PTCHD4: variants seen among roughly 807,000 people sequenced by gnomAD.
PTCHD4 encodes the protein patched domain-containing protein 4.
In PTCHD4, 33 loss-of-function variants were observed where a neutral mutation model predicts 58.1. That is an observed-to-expected ratio of 0.57 (90% CI 0.43 to 0.76). The LOEUF is 0.76. Among genes scored for constraint, PTCHD4 ranks in the 30% least tolerant of loss-of-function variants. The pLI is 0.00. For missense variants in PTCHD4, 1,058 were observed against 1,027.1 expected (o/e 1.03, Z -0.41); for synonymous variants, 478 against 409.6 (o/e 1.17, Z -2.02).
chr6:48,014,008 G>A (rs1317103664), intron 3 of PTCHD4, among the ~76,000 whole-genome samples: 1 of 151,942 alleles, frequency 6.6e-6, no homozygotes, highest in Non-Finnish European at 1.5e-5. Flanking sequence ...TAACTCCTCT[G>A]TTGAAGTTGT....
chr6:48,023,698 CA>C (rs1396060328), intron 3 of PTCHD4, among the ~76,000 whole-genome samples: 1 of 152,156 alleles, frequency 6.6e-6, no homozygotes, highest in Admixed American at 6.5e-5. Flanking sequence ...CTAGTCTCAG[CA>C]GCTCGGTTTC....
At chr6:47,965,785 G>T (rs917874772) in intron 4 of PTCHD4, among the ~76,000 whole-genome samples, 1 of 151,938 alleles carries the variant, frequency 6.6e-6, no homozygotes, top group African/African-American at 2.4e-5. Flanking sequence ...AAAATTGGTG[G>T]GCGCCAGTAG....
rs540394005 is a variant in PTCHD4 at position 47,878,458 on chromosome 6, G to T, written c.2377C>A (p.Leu793Ile). Residue 793 changes from leucine to isoleucine, a missense_variant, in exon 5 of 5, where the codon CTT becomes ATT. Leu to Ile is a conservative substitution (Grantham distance 5). Transcript: ENST00000339488. The part of the protein sequence containing the change: ...KCLLLTGGCT[L>I]LHCFVILPVF... ...GGTAAAATAACAAAACAGTGCAGAA[G>T]TGTGCAACCCCCAGTGAGCAGCAAG... The T allele has an allele frequency of 1.4e-5, 22 of 1,613,506 alleles. No homozygotes were observed. In the East Asian group the frequency reaches 3.6e-4, roughly 26 times the overall value.
At chr6:47,947,667 G>A (rs1157748701) in intron 4 of PTCHD4, among the ~76,000 whole-genome samples, 3 of 151,834 alleles carry the variant, frequency 2.0e-5, no homozygotes, top group Admixed American at 6.6e-5. Flanking sequence ...GTTCCATTGG[G>A]TGTTCTTTTC....
chr6:47,966,874 C>A (rs78324857), intron 4 of PTCHD4, among the ~76,000 whole-genome samples: 4,972 of 152,266 alleles, frequency 0.033, 125 homozygotes, highest in Non-Finnish European at 0.044. Context: ...AGAGTTATTT[C>A]CACCACATCT....
At position 47,868,081 on chromosome 6, in the gene PTCHD4, C is replaced by T. The variant is rs1397182135; in HGVS notation, c.*10222G>A. 6.6e-6 allele frequency among the ~76,000 whole-genome samples: 1 copy of T among 151,610 alleles called. No homozygotes were observed. The highest frequency in any genetic ancestry group is 1.5e-5 in the Non-Finnish European group (1 of 67,780). On this transcript the variant is annotated 3_prime_UTR_variant, in exon 5 of 5. Coordinates refer to ENST00000339488, the MANE Select transcript of PTCHD4 (RefSeq NM_001384253.1). ...CCAATGTGTTCCTTTGTTTTTAAAG[C>T]CTAACTAAGCTAATGAACAGAAACT...
intron 4 of PTCHD4, among the ~76,000 whole-genome samples, chr6:47,936,670 A>T (rs1446879377): frequency 1.3e-5 from 2 of 152,224 alleles, no homozygotes; most frequent in Admixed American, 1.3e-4. Flanking sequence ...TCATTTTTTA[A>T]ACATCTATTG....
chr6:47,894,567 C>A (rs1359110599), intron 4 of PTCHD4, among the ~76,000 whole-genome samples: 1 of 152,186 alleles, frequency 6.6e-6, no homozygotes, highest in Non-Finnish European at 1.5e-5. Context: ...GTATAATGTG[C>A]CCTTGGCACT....
intron 4 of PTCHD4, among the ~76,000 whole-genome samples, chr6:47,905,877 C>T (rs1764865795): frequency 6.6e-6 from 1 of 152,198 alleles, no homozygotes; most frequent in Non-Finnish European, 1.5e-5. Flanking sequence ...CCATCAGCAC[C>T]TCCTGAGGCC....
Position 47,862,740 on chromosome 6 carries a change from A to C in PTCHD4, c.*15563T>G, listed in dbSNP as rs747172402. 6.6e-6 allele frequency among the ~76,000 whole-genome samples: 1 copy of C among 151,864 alleles called. No homozygotes were observed. Among genetic ancestry groups the C allele is most frequent in the Non-Finnish European group, 1.5e-5 (1 of 67,830 alleles). On this transcript the variant is annotated 3_prime_UTR_variant, in exon 5 of 5. Transcript: ENST00000339488. The stretch of plus-strand genomic sequence containing the variant: ...CTAGAAATCAGCAATATTGTTTAGA[A>C]AATAAGAACTGATTTCCACACAGAC...
intron 4 of PTCHD4, among the ~76,000 whole-genome samples, chr6:47,921,717 A>G (rs1489809294): frequency 6.6e-6 from 1 of 152,168 alleles, no homozygotes; most frequent in Non-Finnish European, 1.5e-5. Flanking sequence ...GCTGGCTGCC[A>G]AGAATCACAA....
intron 4 of PTCHD4, among the ~76,000 whole-genome samples, chr6:47,889,385 A>G (rs1407854474): frequency 6.3e-5 from 9 of 143,744 alleles, no homozygotes; most frequent in Admixed American, 2.9e-4. Flanking sequence ...TTGTGGTTTT[A>G]ATTTGCATTT....
chr6:48,110,311 G>A (rs1765838838), intron 1 of PTCHD4, among the ~76,000 whole-genome samples: 1 of 152,116 alleles, frequency 6.6e-6, no homozygotes, highest in Non-Finnish European at 1.5e-5. Flanking sequence ...TCTGACATTT[G>A]TGACAACATA....
In PTCHD4 at chr6:47,860,412, A is replaced by T. The variant is rs529845955; in HGVS notation, c.*17891T>A. Among the ~76,000 whole-genome samples, 1 of 152,174 alleles carries T rather than the reference A, an allele frequency of 6.6e-6. No individual in the cohort carries two copies. Among genetic ancestry groups the T allele is most frequent in the Non-Finnish European group, 1.5e-5 (1 of 67,958 alleles). ...TTTTGAGAATATAGCCATGAAAACA[A>T]AAACATTAAGGTAGAACTCAGTGGA... On this transcript the variant is annotated 3_prime_UTR_variant, in exon 5 of 5. Coordinates refer to ENST00000339488, the MANE Select transcript of PTCHD4 (RefSeq NM_001384253.1).
rs1763757992 is a variant in PTCHD4 at position 47,873,010 on chromosome 6, T to C, written c.*5293A>G. 6.6e-6 allele frequency among the ~76,000 whole-genome samples: 1 copy of C among 151,718 alleles called. No individual in the cohort carries two copies. Among genetic ancestry groups the C allele is most frequent in the Non-Finnish European group, 1.5e-5 (1 of 67,764 alleles). On this transcript the variant is annotated 3_prime_UTR_variant, in exon 5 of 5. Coordinates refer to ENST00000339488, the MANE Select transcript of PTCHD4 (RefSeq NM_001384253.1). ...AAAATATAGTCAATGAGAGCCACTCTGGGAATGAATGATGCTTATGTCGGT... is the reference window on the plus strand; with the variant it reads ...AAAATATAGTCAATGAGAGCCACTCCGGGAATGAATGATGCTTATGTCGGT...
At chr6:48,078,113 TTAAC>T (rs1427357134) in intron 1 of PTCHD4, among the ~76,000 whole-genome samples, 1 of 152,150 alleles carries the variant, frequency 6.6e-6, no homozygotes, top group Non-Finnish European at 1.5e-5. Flanking sequence ...GTAATAGAAT[TTAAC>T]TAGGTGATGA....
intron 1 of PTCHD4, among the ~76,000 whole-genome samples, chr6:48,088,388 T>C (rs1407191136): frequency 6.6e-6 from 1 of 152,222 alleles, no homozygotes; most frequent in African/African-American, 2.4e-5. Flanking sequence ...TAGTTTACAA[T>C]ATTTCCTTTC....
At chr6:48,035,339 C>T (rs1049944390) in intron 3 of PTCHD4, among the ~76,000 whole-genome samples, 19 of 152,044 alleles carry the variant, frequency 1.2e-4, no homozygotes, top group African/African-American at 4.6e-4. Flanking sequence ...TGGTATTTCA[C>T]TCTGTTGCAG....
intron 4 of PTCHD4, among the ~76,000 whole-genome samples, chr6:47,920,428 A>G (rs1446845333): frequency 1.3e-5 from 2 of 152,184 alleles, no homozygotes; most frequent in Non-Finnish European, 2.9e-5. Context: ...AGTGAGGGGA[A>G]TTAAGCATTG....
Sources: allele counts gnomAD v4.1 joint callset (sites outside exome capture counted in the v4.1 genomes callset), GRCh38; gene constraint gnomAD v4.1.1; transcripts MANE v1.5; gene names NCBI Gene and HGNC (gene_info 2026-07-23, HGNC 2026-07-21).